ABI3BP: variants seen among roughly 807,000 people sequenced by gnomAD.
ABI3BP encodes the protein ABI family member 3 binding protein, also known as target of Nesh-SH3.
ABI3BP carries 216 observed loss-of-function variants against 268.6 expected under a neutral mutation model. The observed-to-expected ratio is 0.80, with a 90% CI of 0.72 to 0.90. ABI3BP has a LOEUF of 0.90. ABI3BP is among the 40% of genes least tolerant of loss of function. The pLI, the probability that ABI3BP is intolerant of heterozygous loss-of-function variation, is 0.00. For missense variants in ABI3BP, 2,090 were observed against 2,182.4 expected (o/e 0.96, Z 0.84); for synonymous variants, 730 against 730.0 (o/e 1.00, Z 0.00).
In ABI3BP at chr3:100,993,332, A is replaced by C; in HGVS notation, c.53T>G (p.Leu18Arg). The change falls in exon 1 of 68, where the codon CTG becomes CGG. Residue 18 changes from leucine (L) to arginine (R), a missense_variant. Leu to Arg is a moderately radical substitution (Grantham distance 102). Coordinates refer to ENST00000471714, the MANE Select transcript of ABI3BP (RefSeq NM_001375547.2). Reference sequence around the variant, plus strand: ...TTTTGGCAATTTCTGTGCATTTCCCAGGGCTAGTGTAATACTTCCACAGAG... The same window carrying C: ...TTTTGGCAATTTCTGTGCATTTCCCCGGGCTAGTGTAATACTTCCACAGAG... Reference protein sequence around the residue: ...LLLCGSITLALGNAQKLPKGK... With the variant: ...LLLCGSITLARGNAQKLPKGK... 6.4e-7 allele frequency: 1 copy of C among 1,552,620 alleles called. No individual in the cohort carries two copies. Among genetic ancestry groups the C allele is most frequent in the Non-Finnish European group, 8.7e-7 (1 of 1,147,352 alleles).
intron 2 of ABI3BP, among the ~76,000 whole-genome samples, chr3:100,913,475 C>A (rs983724702): frequency 1.3e-5 from 2 of 152,116 alleles, no homozygotes; most frequent in African/African-American, 4.8e-5. Context: ...GGAAGGATGG[C>A]GTCACTTCTG....
At chr3:100,956,076 T>C (rs1441828973) in intron 1 of ABI3BP, among the ~76,000 whole-genome samples, 1 of 151,460 alleles carries the variant, frequency 6.6e-6, no homozygotes, top group East Asian at 1.9e-4. Flanking sequence ...TAATCCCAGC[T>C]ACTTGGGAGG....
chr3:100,765,764 A>T, intron 63 of ABI3BP, 77 bp downstream of exon 63: 1 of 1,099,158 alleles, frequency 9.1e-7, no homozygotes, highest in Non-Finnish European at 1.4e-6. Flanking sequence ...AGAGAAGATG[A>T]TTATCATTTC....
At position 100,824,947 on chromosome 3, in the gene ABI3BP, G is replaced by A. The variant is rs1210464354; in HGVS notation, c.2663-6C>T. 2 of 1,534,826 alleles carry A rather than the reference G, an allele frequency of 1.3e-6. No homozygotes were observed. Among genetic ancestry groups the A allele is most frequent in the Non-Finnish European group, 1.7e-6 (2 of 1,146,002 alleles). ...TCTTTTTGATGTTTTGGTAGCTGAAGGAAGAAAAAGCCTTGTGTTACTCTA... is the reference window on the plus strand; with the variant it reads ...TCTTTTTGATGTTTTGGTAGCTGAAAGAAGAAAAAGCCTTGTGTTACTCTA... On this transcript the variant is annotated splice_region_variant and splice_polypyrimidine_tract_variant and intron_variant, in intron 35 of 67. Transcript: ENST00000471714.
Position 100,862,721 on chromosome 3 carries a change from G to T in ABI3BP, c.1210+117C>A, listed in dbSNP as rs1271514719. 7.1e-6 allele frequency: 5 copies of T among 699,424 alleles called. No individual in the cohort carries two copies. The African/African-American group carries it at 9.2e-5, about 13-fold the overall frequency. 43.3% of individuals were successfully genotyped at this position (699,424 alleles called of 1,614,324 possible). On this transcript the variant is annotated intron_variant, in intron 13 of 67. Coordinates refer to ENST00000471714, the MANE Select transcript of ABI3BP (RefSeq NM_001375547.2). ...TAAAAAAAAATCAAATCAACCATTT[G>T]TTTGCCTAACTATCAGTTCATGAGG...
chr3:100,960,968 C>G (rs933924735), intron 1 of ABI3BP, among the ~76,000 whole-genome samples: 5 of 152,176 alleles, frequency 3.3e-5, no homozygotes, highest in African/African-American at 1.2e-4. Flanking sequence ...ACTAGCAAAG[C>G]CCACCCAGAC....
chr3:100,985,141 CTTTT>C (rs1172049956), intron 1 of ABI3BP, among the ~76,000 whole-genome samples: 4 of 79,836 alleles, frequency 5.0e-5, no homozygotes, highest in African/African-American at 2.0e-4. Context: ...CAGAAAAGCA[CTTTT>C]TTTTTTTTTT....
chr3:100,840,013 A>G (rs1025519654), intron 23 of ABI3BP, 59 bp downstream of exon 23: 3 of 1,440,486 alleles, frequency 2.1e-6, no homozygotes, highest in African/African-American at 1.4e-5. Context: ...GCTGATATCA[A>G]ACCAGAAGCT....
At chr3:100,855,840 T>C (rs927638301) in intron 14 of ABI3BP, among the ~76,000 whole-genome samples, 1 of 151,836 alleles carries the variant, frequency 6.6e-6, no homozygotes, top group Non-Finnish European at 1.5e-5. Context: ...ACACACAGAG[T>C]TCACAGTACC....
At chr3:100,798,225 T>G (rs1302956797) in intron 51 of ABI3BP, among the ~76,000 whole-genome samples, 1 of 152,176 alleles carries the variant, frequency 6.6e-6, no homozygotes. Context: ...GGATTCCAGC[T>G]GCTAAAATTG....
At chr3:100,840,957 T>G (rs2098687011) in intron 21 of ABI3BP, 99 bp from the exon 22 acceptor site, 1 of 936,494 alleles carries the variant, frequency 1.1e-6, no homozygotes, top group African/African-American at 1.7e-5. Flanking sequence ...AATTACTAGA[T>G]TGAGCAAATA....
chr3:100,838,367 T>A (rs1307669069), intron 25 of ABI3BP, 35 bp downstream of exon 25: 23 of 1,530,992 alleles, frequency 1.5e-5, no homozygotes, highest in Non-Finnish European at 1.9e-5. Context: ...ATTGTTTTCC[T>A]ATTTATAGAT....
chr3:100,789,082 C>T (rs181806130), intron 56 of ABI3BP, among the ~76,000 whole-genome samples: 58 of 152,130 alleles, frequency 3.8e-4, no homozygotes, highest in African/African-American at 1.2e-3. Context: ...CAAGAGCTTT[C>T]CTGTGCTGAA....
At chr3:100,873,949 C>T (rs1251387142) in intron 9 of ABI3BP, among the ~76,000 whole-genome samples, 2 of 152,218 alleles carry the variant, frequency 1.3e-5, no homozygotes, top group Non-Finnish European at 2.9e-5. Context: ...CATTAAAGTT[C>T]ACAGCCAGTG....
At chr3:100,848,449 A>G (rs1355751828) in intron 18 of ABI3BP, among the ~76,000 whole-genome samples, 1 of 149,656 alleles carries the variant, frequency 6.7e-6, no homozygotes, top group East Asian at 1.9e-4. Context: ...AATTTTGTAA[A>G]GAAACTAATC....
chr3:100,804,196 C>A (rs1310961904), intron 51 of ABI3BP, among the ~76,000 whole-genome samples: 1 of 152,132 alleles, frequency 6.6e-6, no homozygotes, highest in Non-Finnish European at 1.5e-5. Context: ...AGATACTCCA[C>A]AAACATGAGA....
At chr3:100,895,218 G>T (rs1449477998) in intron 4 of ABI3BP, among the ~76,000 whole-genome samples, 2 of 151,784 alleles carry the variant, frequency 1.3e-5, no homozygotes, top group Non-Finnish European at 2.9e-5. Flanking sequence ...AAGACAAATG[G>T]GTACACTCTT....
chr3:100,894,949 A>AAAAAAAAAAAAAAAAAAAC (rs2046732869), intron 4 of ABI3BP, among the ~76,000 whole-genome samples: 1 of 110,822 alleles, frequency 9.0e-6, no homozygotes, highest in Non-Finnish European at 2.3e-5. Flanking sequence ...AAAAAAAAAA[A>AAAAAAAAAAAAAAAAAAAC]AAAAAAAAAA....
intron 1 of ABI3BP, among the ~76,000 whole-genome samples, chr3:100,968,108 A>G (rs1324323214): frequency 6.6e-6 from 1 of 152,218 alleles, no homozygotes; most frequent in African/African-American, 2.4e-5. Context: ...CAATCTGGCC[A>G]TACCTGCCCC....
Sources: gnomAD v4.1 joint callset for allele counts (sites outside exome capture counted in the v4.1 genomes callset) on GRCh38, gnomAD v4.1.1 for gene constraint, MANE v1.5 for transcripts, NCBI Gene and HGNC (gene_info 2026-07-23, HGNC 2026-07-21) for gene names.